LPIN1: variants seen among roughly 807,000 people sequenced by gnomAD.
LPIN1 encodes the protein lipin 1, also known as phosphatidate phosphatase LPIN1.
Under a neutral mutation model 107.5 loss-of-function variants are expected in LPIN1, and 71 were observed. That is an observed-to-expected ratio of 0.66 (90% confidence interval 0.55 to 0.80). The LOEUF (loss-of-function observed/expected upper bound fraction) is 0.80, where lower values mean the gene tolerates loss of function less well. LPIN1 is among the 30% of genes least tolerant of loss of function. The pLI is 0.00. For synonymous variants in LPIN1, 445 were observed against 452.6 expected (o/e 0.98, Z 0.21); for missense variants, 1,043 against 1,160.6 (o/e 0.90, Z 1.47).
intron 18 of LPIN1, 47 bp from the exon 19 acceptor site, chr2:11,819,437 A>G (rs765120675): frequency 6.6e-6 from 8 of 1,213,580 alleles, no homozygotes; most frequent in Non-Finnish European, 9.8e-6. Flanking sequence ...TTGATGCTAA[A>G]GGAAGCTTAG....
Position 11,782,073 on chromosome 2 carries a change from G to C in LPIN1, c.958-128G>C, listed in dbSNP as rs1673656851. The C allele has an allele frequency of 4.0e-6, 3 of 745,638 alleles. No homozygotes were observed. In the Admixed American group the frequency reaches 6.3e-5, roughly 16 times the overall value. The allele number at this position is 745,638 out of a possible 1,614,324, so 46.2% of individuals were successfully genotyped here. Reference sequence around the variant, plus strand: ...TTTTGGCAGGTATAGAAATCACCAGGTGATTGTTGAGGCTTAAAAGTCCCT... The same window carrying C: ...TTTTGGCAGGTATAGAAATCACCAGCTGATTGTTGAGGCTTAAAAGTCCCT... On this transcript the variant is annotated intron_variant, in intron 7 of 20. Coordinates refer to ENST00000674199, the MANE Select transcript of LPIN1 (RefSeq NM_001349206.2).
At chr2:11,748,303 C>T (rs542866503) in intron 1 of LPIN1, among the ~76,000 whole-genome samples, 2 of 152,298 alleles carry the variant, frequency 1.3e-5, no homozygotes, top group South Asian at 4.1e-4. Flanking sequence ...AAAGATATTT[C>T]AGAAGAAGGT....
rs370795859 is a variant in LPIN1, at chr2:11,781,235, A to G, written c.958-966A>G. On this transcript the variant is annotated intron_variant, in intron 7 of 20. Coordinates refer to ENST00000674199, the MANE Select transcript of LPIN1 (RefSeq NM_001349206.2). ...AAAGTTGTGGATCCATTTCCTCTCT[A>G]GGTTATATTTAGATTTCATAGAAAA... 1.6e-4 allele frequency among the ~76,000 whole-genome samples: 25 copies of G among 152,288 alleles called. No homozygotes were observed. The East Asian group carries it at 3.3e-3, about 20-fold the overall frequency.
chr2:11,730,549 C>A (rs911007472), intron 1 of LPIN1, among the ~76,000 whole-genome samples: 2 of 152,162 alleles, frequency 1.3e-5, no homozygotes, highest in Non-Finnish European at 2.9e-5. Context: ...GTTCTTTTTG[C>A]CTTTTTCTTC....
intron 9 of LPIN1, 49 bp downstream of exon 9, chr2:11,783,971 A>G (rs370456341): frequency 6.2e-7 from 1 of 1,612,936 alleles, no homozygotes; most frequent in South Asian, 1.1e-5. Context: ...TCTGAATATC[A>G]TTCTGTGTGA....
At chr2:11,685,914 G>T (rs187425695) in intron 1 of LPIN1, among the ~76,000 whole-genome samples, 1 of 152,100 alleles carries the variant, frequency 6.6e-6, no homozygotes, top group South Asian at 2.1e-4. Flanking sequence ...TTTTGGGGTT[G>T]CATTCAATTG....
intron 17 of LPIN1, chr2:11,805,559 G>A (rs772157485): frequency 7.0e-5 from 23 of 327,994 alleles, no homozygotes; most frequent in Admixed American, 3.0e-4. Context: ...AAGTTTTGGC[G>A]GCGTTGCAGA....
chr2:11,808,299 GCT>G (rs1309266888), intron 17 of LPIN1, among the ~76,000 whole-genome samples: 1 of 152,078 alleles, frequency 6.6e-6, no homozygotes, highest in Non-Finnish European at 1.5e-5. Context: ...ATCCTAGCAG[GCT>G]CTCTCAAGCC....
chr2:11,698,279 T>G (rs935899018), intron 1 of LPIN1, among the ~76,000 whole-genome samples: 3 of 152,160 alleles, frequency 2.0e-5, no homozygotes, highest in Non-Finnish European at 2.9e-5. Context: ...TGCAGCTGTC[T>G]CAGGAGACCA....
At position 11,805,406 on chromosome 2, in the gene LPIN1, A is replaced by G. The variant is rs1447668318; in HGVS notation, c.2249+250A>G. ...TAGGGGAATTGATTACTAGGAGAAC[A>G]CAGATGGTGGCAGCATTAGGGGTGA... On this transcript the variant is annotated intron_variant, in intron 17 of 20. Transcript: ENST00000674199. 1.4e-5 allele frequency: 8 copies of G among 590,936 alleles called. No homozygotes were observed. The African/African-American group carries it at 1.5e-4, about 11-fold the overall frequency. The allele number at this position is 590,936 out of a possible 1,614,324, so 36.6% of individuals were successfully genotyped here.
chr2:11,705,038 G>C (rs371125645), intron 1 of LPIN1, among the ~76,000 whole-genome samples: 1 of 152,208 alleles, frequency 6.6e-6, no homozygotes, highest in Non-Finnish European at 1.5e-5. Flanking sequence ...TCAGACAAAA[G>C]CCCAAGGCAT....
At position 11,776,004 on chromosome 2, in the gene LPIN1, A is replaced by C. The variant is rs959918202; in HGVS notation, c.723-82A>C. 3 of 554,336 alleles carry C rather than the reference A, an allele frequency of 5.4e-6. No individual in the cohort carries two copies. In the Admixed American group the frequency reaches 7.2e-5, roughly 13 times the overall value. 34.3% of individuals were successfully genotyped at this position (554,336 alleles called of 1,614,324 possible). On this transcript the variant is annotated intron_variant, in intron 5 of 20. Transcript: ENST00000674199. ...ATAATCTTTATATAAAGTATATTAC[A>C]TATACTTTATATAATCTCACTTGAT...
chr2:11,756,925 C>T (rs1433685307), intron 1 of LPIN1, among the ~76,000 whole-genome samples: 3 of 152,160 alleles, frequency 2.0e-5, no homozygotes, highest in East Asian at 3.8e-4. Flanking sequence ...TCAAGCTAGA[C>T]GATGTCACAT....
At chr2:11,686,592 C>G (rs536768802) in intron 1 of LPIN1, among the ~76,000 whole-genome samples, 18 of 152,220 alleles carry the variant, frequency 1.2e-4, no homozygotes, top group Non-Finnish European at 2.5e-4. Context: ...GGGACAGGAA[C>G]AGGGTGGGTA....
intron 1 of LPIN1, among the ~76,000 whole-genome samples, chr2:11,698,221 C>G (rs1295190636): frequency 6.6e-6 from 1 of 152,194 alleles, no homozygotes; most frequent in Non-Finnish European, 1.5e-5. Context: ...CTGGCCGGGC[C>G]CAGATGAGCC....
Position 11,815,249 on chromosome 2 carries a change from C to A in LPIN1, c.2402+9C>A. On this transcript the variant is annotated intron_variant, in intron 18 of 20. Transcript: ENST00000674199. ...TTCTCTGCCCTGCACAGGTACCAGGCCTGCTCCCTGCACCTCCATCTGTGA... is the reference window on the plus strand; with the variant it reads ...TTCTCTGCCCTGCACAGGTACCAGGACTGCTCCCTGCACCTCCATCTGTGA... 5.6e-6 allele frequency: 9 copies of A among 1,613,702 alleles called. No individual in the cohort carries two copies. The highest frequency in any genetic ancestry group is 7.6e-6 in the Non-Finnish European group (9 of 1,179,926).
intron 12 of LPIN1, among the ~76,000 whole-genome samples, chr2:11,789,665 G>T (rs1245429698): frequency 2.0e-5 from 3 of 152,106 alleles, no homozygotes; most frequent in Non-Finnish European, 4.4e-5. Context: ...CTGGGCTGAG[G>T]GCATGTTCTC....
chr2:11,799,107 G>A (rs976465619), intron 14 of LPIN1, among the ~76,000 whole-genome samples: 5 of 152,206 alleles, frequency 3.3e-5, no homozygotes, highest in African/African-American at 1.2e-4. Flanking sequence ...GGCGCAATCT[G>A]AGACGTGGCA....
intron 1 of LPIN1, among the ~76,000 whole-genome samples, chr2:11,708,192 GC>G (rs1017462153): frequency 6.6e-6 from 1 of 152,144 alleles, no homozygotes; most frequent in Non-Finnish European, 1.5e-5. Flanking sequence ...TTCACTGTTG[GC>G]CCCCCGACAG....
Sources: gnomAD v4.1 joint callset for allele counts (sites outside exome capture counted in the v4.1 genomes callset) on GRCh38, gnomAD v4.1.1 for gene constraint, MANE v1.5 for transcripts, NCBI Gene and HGNC (gene_info 2026-07-23, HGNC 2026-07-21) for gene names.